RARB: variants seen among roughly 807,000 people sequenced by gnomAD.
RARB encodes retinoic acid receptor beta.
A neutral mutation model predicts 51.9 loss-of-function variants in RARB; 17 were observed. The ratio of observed to expected loss-of-function variants is 0.33; its 90% confidence interval spans 0.22 to 0.49. RARB has a LOEUF of 0.49. RARB is among the 20% of genes least tolerant of loss of function. RARB has a pLI of 0.99. For synonymous variants in RARB, 215 were observed against 195.4 expected, an observed-to-expected ratio of 1.10 and a Z score of -0.84; for missense variants, 369 against 550.8, an observed-to-expected ratio of 0.67 and a Z score of 3.30.
At position 25,533,946 on chromosome 3, in the gene RARB, T is replaced by C. The variant is rs565784009; in HGVS notation, c.448+32623T>C. 9.8e-5 allele frequency among the ~76,000 whole-genome samples: 15 copies of C among 152,336 alleles called. No individual in the cohort carries two copies. The South Asian group carries it at 3.1e-3, about 32-fold the overall frequency. On this transcript the variant is annotated intron_variant, in intron 3 of 7. Coordinates refer to ENST00000330688, the MANE Select transcript of RARB (RefSeq NM_000965.5). ...GTGAGACTCATTCCTGTTGAAACTTTCAGTGCTCTTAGGGGGCTTCTCAGA... is the reference window on the plus strand; with the variant it reads ...GTGAGACTCATTCCTGTTGAAACTTCCAGTGCTCTTAGGGGGCTTCTCAGA...
chr3:24,938,925 C>A (rs745942043), intron 2 of RARB, among the ~76,000 whole-genome samples: 1 of 151,864 alleles, frequency 6.6e-6, no homozygotes, highest in Admixed American at 6.6e-5. Context: ...GAATAATATG[C>A]CATTTTTCAC....
intron 5 of RARB, among the ~76,000 whole-genome samples, chr3:25,378,084 A>C (rs904806712): frequency 6.6e-6 from 1 of 152,228 alleles, no homozygotes; most frequent in African/African-American, 2.4e-5. Flanking sequence ...TTTCATCTGT[A>C]GGAGAGAGAC....
chr3:25,002,325 G>T (rs996291193), intron 2 of RARB, among the ~76,000 whole-genome samples: 4 of 152,120 alleles, frequency 2.6e-5, no homozygotes, highest in Non-Finnish European at 4.4e-5. Context: ...ACAGAACCCT[G>T]TAGATATTTA....
At chr3:25,440,685 A>C (rs967884523) in intron 1 of RARB, among the ~76,000 whole-genome samples, 1 of 151,744 alleles carries the variant, frequency 6.6e-6, no homozygotes, top group African/African-American at 2.4e-5. Flanking sequence ...AGGCAGGAGA[A>C]TCGCTTGAAC....
At chr3:25,377,279 C>G (rs1232050970) in intron 5 of RARB, among the ~76,000 whole-genome samples, 1 of 152,070 alleles carries the variant, frequency 6.6e-6, no homozygotes, top group Non-Finnish European at 1.5e-5. Flanking sequence ...GGCTGAATAC[C>G]AACCCATATT....
At chr3:25,141,697 T>C (rs1700110526) in intron 4 of RARB, among the ~76,000 whole-genome samples, 2 of 152,240 alleles carry the variant, frequency 1.3e-5, no homozygotes, top group African/African-American at 4.8e-5. Flanking sequence ...AAATTAGGGC[T>C]TTAAAAATCA....
At chr3:24,971,796 C>A (rs992388750) in intron 2 of RARB, among the ~76,000 whole-genome samples, 4 of 151,816 alleles carry the variant, frequency 2.6e-5, no homozygotes, top group Non-Finnish European at 5.9e-5. Context: ...ATCCTATAAT[C>A]CTTCTATGTT....
At chr3:24,991,793 C>T (rs1277899905) in intron 2 of RARB, among the ~76,000 whole-genome samples, 1 of 151,352 alleles carries the variant, frequency 6.6e-6, no homozygotes. Context: ...CTCCCCTTAA[C>T]CTCCTTTAAT....
In RARB at chr3:24,988,317, A is replaced by G. The variant is rs1269830746; in HGVS notation, c.-379-71808A>G. On this transcript the variant is annotated intron_variant, in intron 2 of 11. Coordinates refer to the RARB transcript ENST00000383772. ...AGGTATGGATGTCTATTTTTAAATCAAGGTCAAGAATGCAATGTTTCTGGT... is the reference window on the plus strand; with the variant it reads ...AGGTATGGATGTCTATTTTTAAATCGAGGTCAAGAATGCAATGTTTCTGGT... 2.0e-5 allele frequency among the ~76,000 whole-genome samples: 3 copies of G among 152,222 alleles called. No homozygotes were observed. In the East Asian group the frequency reaches 5.8e-4, roughly 29 times the overall value.
intron 3 of RARB, among the ~76,000 whole-genome samples, chr3:25,098,373 A>T (rs951502000): frequency 1.3e-5 from 2 of 152,286 alleles, no homozygotes; most frequent in Non-Finnish European, 2.9e-5. Flanking sequence ...GAAGTTTGAG[A>T]TCTCTATCGT....
chr3:25,418,685 GACTA>G (rs1228249948), intron 5 of RARB, among the ~76,000 whole-genome samples: 1 of 152,070 alleles, frequency 6.6e-6, no homozygotes, highest in Non-Finnish European at 1.5e-5. Flanking sequence ...AGAGAGATTG[GACTA>G]ACTCTCACTC....
At position 24,925,344 on chromosome 3, in the gene RARB, C is replaced by A. The variant is rs113425158; in HGVS notation, c.-380+66592C>A. On this transcript the variant is annotated intron_variant, in intron 2 of 11. Transcript: ENST00000383772. ...TTTGCCATTTTGTTGTAGATATGTC[C>A]TTGGAAAGAAATCTCAGGCCTGGCA... Among the ~76,000 whole-genome samples, 24 of 152,036 alleles carry A rather than the reference C, an allele frequency of 1.6e-4. 1 individual carries two copies. Among genetic ancestry groups the A allele is most frequent in the Middle Eastern group, 3.4e-3 (1 of 294 alleles).
intron 1 of RARB, among the ~76,000 whole-genome samples, chr3:25,432,912 A>G (rs1489329523): frequency 6.6e-6 from 1 of 152,210 alleles, no homozygotes; most frequent in Non-Finnish European, 1.5e-5. Flanking sequence ...TTCAAGTCAC[A>G]CAGGATTTTA....
At chr3:25,374,791 T>G (rs751325389) in intron 5 of RARB, among the ~76,000 whole-genome samples, 1 of 152,214 alleles carries the variant, frequency 6.6e-6, no homozygotes, top group African/African-American at 2.4e-5. Flanking sequence ...CTTTTCAGAA[T>G]GTACAAGGTT....
At chr3:25,072,054 T>C (rs1698777086) in intron 3 of RARB, among the ~76,000 whole-genome samples, 1 of 152,216 alleles carries the variant, frequency 6.6e-6, no homozygotes, top group African/African-American at 2.4e-5. Flanking sequence ...GTGGCGGTTC[T>C]TATCTTGAAG....
chr3:25,468,577 C>T (rs762244026), intron 2 of RARB, among the ~76,000 whole-genome samples: 10 of 151,916 alleles, frequency 6.6e-5, no homozygotes, highest in Non-Finnish European at 1.3e-4. Context: ...CCCACTGCTT[C>T]AGCCACACTT....
chr3:25,023,746 T>A (rs1183171768), intron 2 of RARB, among the ~76,000 whole-genome samples: 1 of 152,158 alleles, frequency 6.6e-6, no homozygotes, highest in African/African-American at 2.4e-5. Context: ...TTCTGTGAGG[T>A]TATCCAGTGA....
chr3:25,015,679 C>A (rs916356174), intron 2 of RARB, among the ~76,000 whole-genome samples: 2 of 152,176 alleles, frequency 1.3e-5, no homozygotes, highest in Admixed American at 6.6e-5. Context: ...TTATTCCTAT[C>A]TACACTGTTA....
chr3:25,209,683 C>T (rs1362546147), intron 5 of RARB, among the ~76,000 whole-genome samples: 1 of 152,144 alleles, frequency 6.6e-6, no homozygotes, highest in Non-Finnish European at 1.5e-5. Context: ...TTATGTCTCT[C>T]CTCCATCCCT....
Sources: allele counts gnomAD v4.1 joint callset (sites outside exome capture counted in the v4.1 genomes callset), GRCh38; gene constraint gnomAD v4.1.1; transcripts MANE v1.5; gene names NCBI Gene and HGNC (gene_info 2026-07-23, HGNC 2026-07-21).